RBFOX1: variants seen among roughly 807,000 people sequenced by gnomAD.
RBFOX1 encodes the protein RNA binding protein fox-1 homolog 1.
A neutral mutation model predicts 57.7 loss-of-function variants in RBFOX1; 8 were observed. That is an observed-to-expected ratio of 0.14 (90% CI 0.08 to 0.25). RBFOX1 has a LOEUF of 0.25. Ranked by LOEUF, RBFOX1 falls within the 10% of genes least tolerant of loss-of-function variation. The probability of loss-of-function intolerance (pLI) is 1.00; values close to 1 mark genes in which losing one functional copy is unlikely to be tolerated. For synonymous variants in RBFOX1, 326 were observed against 222.4 expected (o/e 1.47, Z -4.15); for missense variants, 611 against 548.5 (o/e 1.11, Z -1.14).
intron 1 of RBFOX1, among the ~76,000 whole-genome samples, chr16:6,222,392 A>G (rs1373416151): frequency 3.3e-5 from 5 of 152,078 alleles, no homozygotes; most frequent in Non-Finnish European, 5.9e-5. Context: ...AAAGGGTTAG[A>G]CAAGAGTGAT....
rs868843875 is a variant in RBFOX1 at position 6,589,887 on chromosome 16, C to T, written c.-63-64716C>T. Among the ~76,000 whole-genome samples the T allele has an allele frequency of 6.6e-5, 10 of 152,274 alleles. No homozygotes were observed. The South Asian group carries it at 1.5e-3, about 22-fold the overall frequency. Reference sequence around the variant, plus strand: ...CTCTCTTTCACTGTTTCGATTTCCTCAGCTATAATTTTTACACAGGCAGTT... The same window carrying T: ...CTCTCTTTCACTGTTTCGATTTCCTTAGCTATAATTTTTACACAGGCAGTT... On this transcript the variant is annotated intron_variant, in intron 2 of 15. Transcript: ENST00000550418.
At chr16:5,931,710 T>C (rs1456587164) in intron 4 of RBFOX1, among the ~76,000 whole-genome samples, 2 of 152,170 alleles carry the variant, frequency 1.3e-5, no homozygotes, top group Non-Finnish European at 2.9e-5. Flanking sequence ...CCCTTCTTTG[T>C]GTAGGCAGAA....
At chr16:6,367,165 G>A (rs2089757468) in intron 2 of RBFOX1, among the ~76,000 whole-genome samples, 1 of 152,232 alleles carries the variant, frequency 6.6e-6, no homozygotes, top group Admixed American at 6.5e-5. Context: ...TTTGACGTCA[G>A]CACGTGGAAC....
In RBFOX1 at chr16:6,057,825, G is replaced by GTTTTTTTT. The variant is rs34335596; in HGVS notation, c.-127+37849_-127+37856dup. 8.6e-5 allele frequency among the ~76,000 whole-genome samples: 7 copies of GTTTTTTTT among 81,118 alleles called. 1 individual carries two copies. The highest frequency in any genetic ancestry group is 1.1e-4 in the African/African-American group (2 of 18,506). 53.2% of individuals were successfully genotyped at this position (81,118 alleles called of 152,430 possible). ...GAAATTTTATGAGGGTTTGCTATGGGTTTTTTTTTTTTTTTTTTTTTTTGA... is the reference window on the plus strand; with the variant it reads ...GAAATTTTATGAGGGTTTGCTATGGGTTTTTTTTTTTTTTTTTTTTTTTTTTTTTTTGA... On this transcript the variant is annotated intron_variant, in intron 1 of 15. Coordinates refer to ENST00000550418, the MANE Select transcript of RBFOX1 (RefSeq NM_018723.4).
intron 2 of RBFOX1, among the ~76,000 whole-genome samples, chr16:6,539,168 C>G (rs1289330984): frequency 6.6e-6 from 1 of 151,844 alleles, no homozygotes; most frequent in Non-Finnish European, 1.5e-5. Flanking sequence ...TGTTCTTCTC[C>G]TTGGCGGGAA....
At chr16:6,695,431 AAAAAAAG>A (rs2060891656) in intron 3 of RBFOX1, among the ~76,000 whole-genome samples, 1 of 101,646 alleles carries the variant, frequency 9.8e-6, no homozygotes, top group African/African-American at 2.8e-5. Flanking sequence ...AAAAAAAAAA[AAAAAAAG>A]GAAAGGAAGG....
At chr16:6,018,490 C>A (rs2095013938), upstream of RBFOX1, among the ~76,000 whole-genome samples, 3 of 152,114 alleles carry the variant, frequency 2.0e-5, no homozygotes, top group South Asian at 6.2e-4. Context: ...ATCCCTAGAC[C>A]CCTTCAGCGT....
chr16:7,185,085 C>G (rs543270820), intron 4 of RBFOX1, among the ~76,000 whole-genome samples: 6 of 152,130 alleles, frequency 3.9e-5, no homozygotes, highest in Non-Finnish European at 8.8e-5. Context: ...AATGTCCATA[C>G]AATATATCTA....
chr16:6,199,269 T>A (rs1439591075), intron 1 of RBFOX1, among the ~76,000 whole-genome samples: 1 of 152,242 alleles, frequency 6.6e-6, no homozygotes. Context: ...AAAATAGGTG[T>A]ATGTTCACAT....
At chr16:6,139,867 G>A (rs2096701167) in intron 1 of RBFOX1, among the ~76,000 whole-genome samples, 1 of 152,164 alleles carries the variant, frequency 6.6e-6, no homozygotes, top group African/African-American at 2.4e-5. Context: ...GCAGAAAAGG[G>A]TGGACAAAGG....
intron 4 of RBFOX1, among the ~76,000 whole-genome samples, chr16:7,106,949 C>T (rs11639687): frequency 1.6e-4 from 20 of 128,458 alleles, no homozygotes; most frequent in South Asian, 3.2e-4. Context: ...CCTAATCCTA[C>T]GAAGCTTGCA....
At chr16:5,769,146 C>T (rs922069116) in intron 3 of RBFOX1, among the ~76,000 whole-genome samples, 3 of 152,014 alleles carry the variant, frequency 2.0e-5, no homozygotes, top group Middle Eastern at 6.3e-3. Context: ...GCATTTAAAC[C>T]TGACGTTTTT....
chr16:5,950,121 C>T lies in RBFOX1; in HGVS notation c.351+82786C>T, dbSNP rs865956742. On this transcript the variant is annotated intron_variant, in intron 4 of 19. Coordinates refer to the RBFOX1 transcript ENST00000641259. Reference sequence around the variant, plus strand: ...AGTCTTCTGCAATGTAGAGACGTTTCCACCTGTAATTGGTAAGAATGACTA... The same window carrying T: ...AGTCTTCTGCAATGTAGAGACGTTTTCACCTGTAATTGGTAAGAATGACTA... Among the ~76,000 whole-genome samples the T allele has an allele frequency of 5.4e-4, 82 of 152,214 alleles. 1 individual carries two copies. The highest frequency in any genetic ancestry group is 1.5e-4 in the Non-Finnish European group (10 of 68,034).
At chr16:6,136,794 A>G (rs1276736226) in intron 1 of RBFOX1, among the ~76,000 whole-genome samples, 1 of 152,198 alleles carries the variant, frequency 6.6e-6, no homozygotes, top group Non-Finnish European at 1.5e-5. Flanking sequence ...ACAGAGAAGT[A>G]CTGTTCCTTT....
rs1393065342 is a variant in RBFOX1 at position 5,946,059 on chromosome 16, G to C, written c.351+78724G>C. On this transcript the variant is annotated intron_variant, in intron 4 of 19. Coordinates refer to the RBFOX1 transcript ENST00000641259. The surrounding 1 kb of genome is among the most constrained non-coding windows in gnomAD (Gnocchi z 4.6). ...TCTGCTTTGTTTGCTAGTAAAGTGAGGGGGAGACAGGGTTTTAATTAGTGG... is the reference window on the plus strand; with the variant it reads ...TCTGCTTTGTTTGCTAGTAAAGTGACGGGGAGACAGGGTTTTAATTAGTGG... Among the ~76,000 whole-genome samples, 2 of 152,208 alleles carry C rather than the reference G, an allele frequency of 1.3e-5. No homozygotes were observed. The highest frequency in any genetic ancestry group is 2.4e-5 in the African/African-American group (1 of 41,460).
intron 4 of RBFOX1, among the ~76,000 whole-genome samples, chr16:7,397,086 G>C (rs1382328840): frequency 6.6e-6 from 1 of 152,188 alleles, no homozygotes; most frequent in African/African-American, 2.4e-5. Context: ...CATGAAAAAT[G>C]AAAACTATTT....
At chr16:5,669,013 C>T (rs536381686) in intron 3 of RBFOX1, among the ~76,000 whole-genome samples, 3 of 152,140 alleles carry the variant, frequency 2.0e-5, no homozygotes, top group Non-Finnish European at 4.4e-5. Flanking sequence ...AATCCTTGCC[C>T]AATCAGTCCA....
intron 3 of RBFOX1, among the ~76,000 whole-genome samples, chr16:6,877,390 A>G (rs983359296): frequency 2.6e-5 from 4 of 152,196 alleles, no homozygotes; most frequent in Non-Finnish European, 5.9e-5. Context: ...ACATAACTGC[A>G]TCATTTTCCA....
intron 4 of RBFOX1, among the ~76,000 whole-genome samples, chr16:7,495,330 C>T (rs1419038329): frequency 6.6e-6 from 1 of 152,158 alleles, no homozygotes; most frequent in African/African-American, 2.4e-5. Flanking sequence ...TTGGGTATTT[C>T]CCCAGTCATG....
Sources: allele counts gnomAD v4.1 joint callset (sites outside exome capture counted in the v4.1 genomes callset), GRCh38; gene constraint gnomAD v4.1.1; non-coding constraint Gnocchi (gnomAD v3.1); transcripts MANE v1.5; gene names NCBI Gene and HGNC (gene_info 2026-07-23, HGNC 2026-07-21).